Variants in SYNE1 observed in about 807,000 individuals in gnomAD.
SYNE1 encodes the protein spectrin repeat containing nuclear envelope protein 1.
Under a neutral mutation model 1,111.0 loss-of-function variants are expected in SYNE1, and 616 were observed. That is an observed-to-expected ratio of 0.55 (90% CI 0.52 to 0.59). The LOEUF is 0.59. Ranked by LOEUF, SYNE1 falls within the 20% of genes least tolerant of loss-of-function variation. The probability of loss-of-function intolerance (pLI) is 0.00; values close to 1 mark genes in which losing one functional copy is unlikely to be tolerated. For missense variants in SYNE1, 10,006 were observed against 10,417.0 expected (o/e 0.96, Z 1.72); for synonymous variants, 3,855 against 3,825.8 (o/e 1.01, Z -0.28).
chr6:152,251,992 G>A (rs573390781), intron 104 of SYNE1, among the ~76,000 whole-genome samples: 24 of 98,590 alleles, frequency 2.4e-4, no homozygotes, highest in African/African-American at 7.7e-4. Flanking sequence ...AGTTGTGTCC[G>A]GGCACAGTGG....
chr6:152,325,621 A>G (rs2096045633), intron 80 of SYNE1, among the ~76,000 whole-genome samples: 2 of 152,214 alleles, frequency 1.3e-5, no homozygotes, highest in Admixed American at 1.3e-4. Context: ...TTAGTATGTT[A>G]CATTTTTTCC....
rs151233526 is a variant in SYNE1 at position 152,446,737 on chromosome 6, G to A, written c.3669+721C>T. Among the ~76,000 whole-genome samples the A allele has an allele frequency of 3.3e-3, 503 of 152,136 alleles. 2 individuals carry two copies. The highest frequency in any genetic ancestry group is 4.6e-3 in the Non-Finnish European group (311 of 67,992). On this transcript the variant is annotated intron_variant, in intron 29 of 145. Coordinates refer to ENST00000367255, the MANE Select transcript of SYNE1 (RefSeq NM_182961.4). ...CAAACTTAGATTTATATAAAAACCT[G>A]GTCAGTAAAAATATTTTTGCTGATG...
chr6:152,506,252 C>T (rs547055492), intron 8 of SYNE1, among the ~76,000 whole-genome samples: 13 of 152,102 alleles, frequency 8.5e-5, no homozygotes, highest in South Asian at 2.1e-4. Context: ...AAGGCAGTTC[C>T]GAAAACAGAG....
intron 130 of SYNE1, among the ~76,000 whole-genome samples, chr6:152,169,383 A>T (rs1430335062): frequency 1.3e-5 from 2 of 151,816 alleles, no homozygotes; most frequent in African/African-American, 2.4e-5. Context: ...TAACACTGTG[A>T]AACCCTGTCT....
At chr6:152,210,969 G>C (rs1033685589) in intron 124 of SYNE1, among the ~76,000 whole-genome samples, 1 of 152,176 alleles carries the variant, frequency 6.6e-6, no homozygotes. Flanking sequence ...AAAGCTGGCT[G>C]GTATGATCCA....
chr6:152,236,140 T>C lies in SYNE1; in HGVS notation c.20363A>G (p.His6788Arg), dbSNP rs1373886589. ...SNTNKMSKELHRLETILKHWT... is the reference protein window; with the variant it reads ...SNTNKMSKELRRLETILKHWT... ...GTGTTTCAATATTGTTTCCAGTCTG[T>C]GAAGTTCCTTAGACATTTTATTGGT... Residue 6788 changes from histidine to arginine, a missense_variant, in exon 110 of 146, where the codon CAC becomes CGC. This residue lies in a region of SYNE1 where 2,182 missense variants were observed against 2,287.8 expected (regional missense o/e 0.95). Coordinates refer to ENST00000367255, the MANE Select transcript of SYNE1 (RefSeq NM_182961.4). 1.9e-6 allele frequency: 3 copies of C among 1,614,216 alleles called. No individual in the cohort carries two copies. The highest frequency in any genetic ancestry group is 1.7e-6 in the Non-Finnish European group (2 of 1,180,022).
In SYNE1 at chr6:152,206,123, C is replaced by T. The variant is rs375878958; in HGVS notation, c.23019+45G>A. On this transcript the variant is annotated intron_variant, in intron 126 of 145. Coordinates refer to ENST00000367255, the MANE Select transcript of SYNE1 (RefSeq NM_182961.4). ...ATAACAATGGGAGGAAGTAGTACAA[C>T]GACTAAAAGGGTTTTTTGGTTCGTT... 1.7e-4 allele frequency: 276 copies of T among 1,580,666 alleles called. 1 individual carries two copies. The highest frequency in any genetic ancestry group is 2.1e-4 in the Non-Finnish European group (241 of 1,153,724).
At chr6:152,594,833 T>C (rs528278073) in intron 3 of SYNE1, among the ~76,000 whole-genome samples, 18 of 152,232 alleles carry the variant, frequency 1.2e-4, no homozygotes, top group African/African-American at 3.9e-4. Flanking sequence ...AAAACATTCT[T>C]ATCAATTCCC....
At chr6:152,497,334 T>G (rs555802900) in intron 11 of SYNE1, among the ~76,000 whole-genome samples, 1 of 152,348 alleles carries the variant, frequency 6.6e-6, no homozygotes, top group African/African-American at 2.4e-5. Context: ...TCCCAGGATG[T>G]CTTTTCTGAA....
intron 22 of SYNE1, among the ~76,000 whole-genome samples, chr6:152,457,901 A>G (rs1194906160): frequency 6.6e-6 from 1 of 151,168 alleles, no homozygotes; most frequent in Non-Finnish European, 1.5e-5. Context: ...CAATATAAGA[A>G]GGAAAATATT....
At chr6:152,124,536 C>CTAACTT (rs1043404097) in intron 145 of SYNE1, among the ~76,000 whole-genome samples, 31 of 152,282 alleles carry the variant, frequency 2.0e-4, no homozygotes, top group African/African-American at 7.0e-4. Context: ...AGATGGTCTT[C>CTAACTT]TAACTTTAAA....
At chr6:152,395,432 C>A in intron 51 of SYNE1, 84 bp downstream of exon 51, 2 of 1,439,026 alleles carry the variant, frequency 1.4e-6, no homozygotes, top group Non-Finnish European at 1.9e-6. Flanking sequence ...AACTAACTAA[C>A]CAATCAAAAC....
intron 93 of SYNE1, among the ~76,000 whole-genome samples, chr6:152,296,660 T>G (rs867657763): frequency 1.3e-5 from 2 of 152,238 alleles, no homozygotes; most frequent in South Asian, 4.1e-4. Context: ...CCTGCACATA[T>G]TTAGTGTGGC....
intron 141 of SYNE1, among the ~76,000 whole-genome samples, chr6:152,136,098 T>C (rs370042941): frequency 5.3e-4 from 81 of 152,350 alleles, no homozygotes; most frequent in African/African-American, 1.8e-3. Flanking sequence ...ACTTTTATCA[T>C]CCACGTCTGC....
chr6:152,611,322 CA>C (rs138835689), intron 3 of SYNE1, among the ~76,000 whole-genome samples: 108,507 of 151,264 alleles, frequency 0.72, 38,895 homozygotes, highest in East Asian at 0.81. Flanking sequence ...AAATGGAAAG[CA>C]AAAAAAAAGC....
intron 74 of SYNE1, among the ~76,000 whole-genome samples, chr6:152,343,434 C>T (rs1311327013): frequency 6.6e-6 from 1 of 150,574 alleles, no homozygotes; most frequent in African/African-American, 2.4e-5. Context: ...GTTGGGATTA[C>T]AGGCATGAGC....
intron 3 of SYNE1, among the ~76,000 whole-genome samples, chr6:152,602,745 C>A (rs1037960071): frequency 6.6e-6 from 1 of 151,982 alleles, no homozygotes; most frequent in Non-Finnish European, 1.5e-5. Context: ...TCTTTTTATT[C>A]ATACCTGTTG....
chr6:152,397,221 A>G (rs539005326), intron 49 of SYNE1, among the ~76,000 whole-genome samples: 3 of 152,264 alleles, frequency 2.0e-5, no homozygotes, highest in African/African-American at 7.2e-5. Context: ...GGACGTTCTC[A>G]CCAAGGTCTT....
intron 115 of SYNE1, among the ~76,000 whole-genome samples, chr6:152,229,584 G>A (rs1484373455): frequency 1.3e-5 from 2 of 152,134 alleles, no homozygotes; most frequent in Admixed American, 6.5e-5. Context: ...GTTCAGAGGA[G>A]GTGAACGGGA....
Sources: gnomAD v4.1 joint callset for allele counts (sites outside exome capture counted in the v4.1 genomes callset) on GRCh38, gnomAD v4.1.1 for gene constraint, gnomAD v4.1.1 regional missense constraint, MANE v1.5 for transcripts, NCBI Gene and HGNC (gene_info 2026-07-23, HGNC 2026-07-21) for gene names.